Variants in PTK7 observed in about 807,000 individuals in gnomAD.
The protein encoded by PTK7 is inactive tyrosine-protein kinase 7.
PTK7 carries 39 observed loss-of-function variants against 116.6 expected under a neutral mutation model. The observed-to-expected ratio is 0.33, with a 90% CI of 0.26 to 0.44. PTK7 has a LOEUF of 0.44. PTK7 is among the 20% of genes least tolerant of loss of function. The pLI, the probability that PTK7 is intolerant of heterozygous loss-of-function variation, is 1.00. For missense variants in PTK7, 1,169 were observed against 1,425.6 expected (o/e 0.82, Z 2.90); for synonymous variants, 546 against 563.6 (o/e 0.97, Z 0.44).
chr6:43,157,158 T>C (rs1771479452), intron 17 of PTK7, among the ~76,000 whole-genome samples: 1 of 147,488 alleles, frequency 6.8e-6, no homozygotes, highest in South Asian at 2.1e-4. Flanking sequence ...GCTAGCATTG[T>C]TGGATTGTGG....
chr6:43,157,167 GGT>G (rs1491262252), intron 17 of PTK7, among the ~76,000 whole-genome samples: 2 of 129,934 alleles, frequency 1.5e-5, no homozygotes, highest in Non-Finnish European at 3.3e-5. Flanking sequence ...GTTGGATTGT[GGT>G]TTTTTTTTTT....
intron 1 of PTK7, among the ~76,000 whole-genome samples, chr6:43,077,428 G>C (rs568178029): frequency 2.6e-5 from 4 of 152,126 alleles, no homozygotes; most frequent in East Asian, 1.9e-4. Flanking sequence ...CTTTTCTTGG[G>C]GGGGGGCCTT....
At position 43,159,976 on chromosome 6, in the gene PTK7, C is replaced by T. The variant is rs780457181; in HGVS notation, c.3052+10C>T. The T allele has an allele frequency of 5.0e-6, 8 of 1,610,368 alleles. No homozygotes were observed. Among genetic ancestry groups the T allele is most frequent in the Non-Finnish European group, 6.8e-6 (8 of 1,177,856 alleles). On this transcript the variant is annotated intron_variant, in intron 19 of 19. Transcript: ENST00000230419. ...GATGAAGTACTGGCAGGTAGGCAGCCTTGCTGCTAGGGGATGATTCCAGAT... is the reference window on the plus strand; with the variant it reads ...GATGAAGTACTGGCAGGTAGGCAGCTTTGCTGCTAGGGGATGATTCCAGAT...
chr6:43,101,276 G>T (rs1455538262), intron 1 of PTK7, among the ~76,000 whole-genome samples: 1 of 151,532 alleles, frequency 6.6e-6, no homozygotes, highest in African/African-American at 2.4e-5. Flanking sequence ...AAAGAGGCTG[G>T]GCGCGGTGGC....
chr6:43,145,012 T>C lies in PTK7; in HGVS notation c.2408-188T>C. Reference sequence around the variant, plus strand: ...CCCTTTGGAAAATGCTGAATATTAGTCCCACCCTTTTATTTTGTTGCTGCA... The same window carrying C: ...CCCTTTGGAAAATGCTGAATATTAGCCCCACCCTTTTATTTTGTTGCTGCA... On this transcript the variant is annotated intron_variant, in intron 15 of 19. Transcript: ENST00000230419. This position sits in a 1 kb window ranked among gnomAD's most constrained non-coding sequence, Gnocchi z 4.8. The C allele has an allele frequency of 4.0e-6, 2 of 502,362 alleles. No individual in the cohort carries two copies. Among genetic ancestry groups the C allele is most frequent in the Non-Finnish European group, 7.0e-6 (2 of 287,268 alleles). The allele number at this position is 502,362 out of a possible 1,614,324, so 31.1% of individuals were successfully genotyped here. A position where few individuals can be genotyped will look rare whatever the true frequency, so the allele number is the denominator to read the frequency against.
At chr6:43,131,629 G>A (rs1432692393) in intron 5 of PTK7, 1 of 303,068 alleles carries the variant, frequency 3.3e-6, no homozygotes, top group Non-Finnish European at 6.4e-6. Context: ...CATGAGAACA[G>A]CACGGGAAAG....
chr6:43,127,265 G>A (rs1203398547), intron 1 of PTK7, among the ~76,000 whole-genome samples: 1 of 152,186 alleles, frequency 6.6e-6, no homozygotes, highest in East Asian at 1.9e-4. Context: ...TCTTCTTCCG[G>A]GGGCGGGGGG....
At chr6:43,108,389 C>T (rs555528750) in intron 1 of PTK7, among the ~76,000 whole-genome samples, 11 of 151,730 alleles carry the variant, frequency 7.2e-5, no homozygotes, top group Admixed American at 2.6e-4. Flanking sequence ...GCCACCGCGC[C>T]CGGCCAACCT....
At chr6:43,118,425 T>A (rs991714323) in intron 1 of PTK7, among the ~76,000 whole-genome samples, 1 of 151,336 alleles carries the variant, frequency 6.6e-6, no homozygotes, top group Admixed American at 6.6e-5. Flanking sequence ...TAATCCCAGC[T>A]ACTTGGGGGC....
At chr6:43,110,425 T>C (rs1240678181) in intron 1 of PTK7, among the ~76,000 whole-genome samples, 7 of 148,266 alleles carry the variant, frequency 4.7e-5, no homozygotes, top group Non-Finnish European at 1.0e-4. Context: ...TTTGTTTTTG[T>C]TTTTGAGATG....
chr6:43,143,418 C>T lies in PTK7; in HGVS notation c.2049C>T (p.Asp683=), dbSNP rs941795990. The T allele has an allele frequency of 1.2e-6, 2 of 1,613,536 alleles. No homozygotes were observed. The highest frequency in any genetic ancestry group is 2.7e-5 in the African/African-American group (2 of 74,896). Residue 683 remains aspartate, a splice_region_variant and synonymous_variant, in exon 14 of 20, where the codon GAC becomes GAT. Transcript: ENST00000230419. This position sits in a 1 kb window ranked among gnomAD's most constrained non-coding sequence, Gnocchi z 4.2. ...CAGACCCATCTGTGTGTCTCTCAGA[C>T]AAGCCTGTGCCGGAGGAGTCGGAGG... ...KHTEAPLYVV[D]KPVPEESEGP... is the part of the protein sequence containing the mutation.
intron 1 of PTK7, among the ~76,000 whole-genome samples, chr6:43,081,143 C>T (rs892852454): frequency 3.3e-5 from 5 of 152,172 alleles, no homozygotes; most frequent in Admixed American, 6.6e-5. Flanking sequence ...TTCTTTCCTT[C>T]GGGCCAGTCC....
rs763956092 is a variant in PTK7, at chr6:43,129,077, G to A, written c.180G>A (p.Pro60=). 8 of 1,614,216 alleles carry A rather than the reference G, an allele frequency of 5.0e-6. No individual in the cohort carries two copies. The highest frequency in any genetic ancestry group is 4.0e-5 in the African/African-American group (3 of 75,070). Residue 60 remains proline, a synonymous_variant, in exon 2 of 20, where the codon CCG becomes CCA. Transcript: ENST00000230419. The surrounding 1 kb of genome is among the most constrained non-coding windows in gnomAD (Gnocchi z 4.5). The stretch of plus-strand genomic sequence containing the variant: ...GCTGTGAGGTTGAGGCTCCGGGCCC[G>A]GTACATGTGTACTGGCTGCTCGATG... ...LLRCEVEAPG[P]VHVYWLLDGA...
intron 1 of PTK7, among the ~76,000 whole-genome samples, chr6:43,121,056 GTT>G (rs564738874): frequency 0.031 from 3,691 of 119,694 alleles, 146 homozygotes; most frequent in African/African-American, 0.11. Flanking sequence ...CCATGTTTCT[GTT>G]TTTTTTTTTT....
chr6:43,103,980 A>C (rs1049410719), intron 1 of PTK7, among the ~76,000 whole-genome samples: 1 of 152,230 alleles, frequency 6.6e-6, no homozygotes, highest in Non-Finnish European at 1.5e-5. Context: ...ATGTGCAAAC[A>C]CTTTTTCTTC....
intron 17 of PTK7, among the ~76,000 whole-genome samples, chr6:43,158,350 C>G (rs181091759): frequency 6.6e-6 from 1 of 152,088 alleles, no homozygotes; most frequent in African/African-American, 2.4e-5. Flanking sequence ...AGCTATAGTC[C>G]TAGCTACTTG....
In PTK7 at chr6:43,129,899, C is replaced by G; in HGVS notation, c.470+70C>G. On this transcript the variant is annotated intron_variant, in intron 3 of 19. Coordinates refer to ENST00000230419, the MANE Select transcript of PTK7 (RefSeq NM_002821.5). This position sits in a 1 kb window ranked among gnomAD's most constrained non-coding sequence, Gnocchi z 4.5. Reference sequence around the variant, plus strand: ...GGGATGTCTCCCCAAATCTTGGACTCTATGCGGATGTTACCTCGCTCCATT... The same window carrying G: ...GGGATGTCTCCCCAAATCTTGGACTGTATGCGGATGTTACCTCGCTCCATT... 7.0e-7 allele frequency: 1 copy of G among 1,438,348 alleles called. No homozygotes were observed. Among genetic ancestry groups the G allele is most frequent in the South Asian group, 1.2e-5 (1 of 85,140 alleles). The allele number at this position is 1,438,348 out of a possible 1,614,324, so 89.1% of individuals were successfully genotyped here.
chr6:43,095,783 A>G (rs938793372), intron 1 of PTK7, among the ~76,000 whole-genome samples: 2 of 152,188 alleles, frequency 1.3e-5, no homozygotes, highest in Non-Finnish European at 2.9e-5. Context: ...TGTACAGCTA[A>G]GGGCATTTTT....
chr6:43,137,646 G>A (rs1037169729), intron 7 of PTK7, among the ~76,000 whole-genome samples: 1 of 152,168 alleles, frequency 6.6e-6, no homozygotes, highest in Non-Finnish European at 1.5e-5. Context: ...AGTGAGTGTT[G>A]CTAAAACAGA....
Sources: gnomAD v4.1 joint callset for allele counts (sites outside exome capture counted in the v4.1 genomes callset) on GRCh38, gnomAD v4.1.1 for gene constraint, Gnocchi (gnomAD v3.1) non-coding constraint, MANE v1.5 for transcripts, NCBI Gene and HGNC (gene_info 2026-07-23, HGNC 2026-07-21) for gene names.